Variants in ADGRL3 observed in about 807,000 individuals in gnomAD.
The protein encoded by ADGRL3 is calcium-independent alpha-latrotoxin receptor 3.
In ADGRL3, 62 loss-of-function variants were observed where a neutral mutation model predicts 153.5. That is an observed-to-expected ratio of 0.40 (90% confidence interval 0.33 to 0.50). The LOEUF is 0.50. Ranked by LOEUF, ADGRL3 falls within the 20% of genes least tolerant of loss-of-function variation. The pLI is 0.47. For synonymous variants in ADGRL3, 710 were observed against 672.5 expected (o/e 1.06, Z -0.86); for missense variants, 1,641 against 1,859.4 (o/e 0.88, Z 2.16).
chr4:61,674,137 G>A lies in ADGRL3; in HGVS notation c.474-2689G>A, dbSNP rs187826832. On this transcript the variant is annotated intron_variant, in intron 5 of 26. Transcript: ENST00000683033. Reference sequence around the variant, plus strand: ...ATAATATATAATATGTAAATTTGTCGATGCATTTTTAGATAGATAGATAGA... The same window carrying A: ...ATAATATATAATATGTAAATTTGTCAATGCATTTTTAGATAGATAGATAGA... Among the ~76,000 whole-genome samples the A allele has an allele frequency of 3.0e-4, 41 of 137,028 alleles. No individual in the cohort carries two copies. In the East Asian group the frequency reaches 6.4e-3, roughly 21 times the overall value. The allele number at this position is 137,028 out of a possible 152,430, so 89.9% of individuals were successfully genotyped here.
chr4:61,784,767 A>G (rs1237334142), intron 8 of ADGRL3, among the ~76,000 whole-genome samples: 1 of 152,214 alleles, frequency 6.6e-6, no homozygotes, highest in Admixed American at 6.5e-5. Flanking sequence ...CTGTGTTGGT[A>G]TGAATTCTGA....
chr4:61,823,450 T>G (rs530179252), intron 9 of ADGRL3, among the ~76,000 whole-genome samples: 1 of 152,290 alleles, frequency 6.6e-6, no homozygotes, highest in African/African-American at 2.4e-5. Context: ...ATACTATTCT[T>G]TAGGATTTTC....
intron 17 of ADGRL3, among the ~76,000 whole-genome samples, chr4:61,975,804 T>C (rs1389681874): frequency 6.6e-6 from 1 of 152,030 alleles, no homozygotes; most frequent in East Asian, 1.9e-4. Context: ...AATAGAGGAG[T>C]CAATATAACT....
At chr4:61,882,263 A>G (rs914720955) in intron 9 of ADGRL3, among the ~76,000 whole-genome samples, 10 of 152,204 alleles carry the variant, frequency 6.6e-5, no homozygotes, top group Non-Finnish European at 1.3e-4. Flanking sequence ...CATTAGTTCA[A>G]TTCAACCAAC....
intron 1 of ADGRL3, among the ~76,000 whole-genome samples, chr4:61,299,165 T>A (rs2094504378): frequency 6.6e-6 from 1 of 151,996 alleles, no homozygotes; most frequent in Admixed American, 6.6e-5. Flanking sequence ...CTTCCCCCCC[T>A]TTTCTGTGAT....
intron 1 of ADGRL3, among the ~76,000 whole-genome samples, chr4:61,347,343 G>A (rs527460847): frequency 7.3e-5 from 11 of 151,344 alleles, no homozygotes; most frequent in African/African-American, 2.7e-4. Flanking sequence ...TAGAGCTATA[G>A]GAAGGTACAT....
intron 5 of ADGRL3, among the ~76,000 whole-genome samples, chr4:61,622,895 G>T (rs2092613021): frequency 2.6e-5 from 4 of 152,062 alleles, no homozygotes; most frequent in South Asian, 4.1e-4. Context: ...ATATCATAAA[G>T]AAACTATTAT....
intron 5 of ADGRL3, among the ~76,000 whole-genome samples, chr4:61,618,446 C>A (rs956339015): frequency 3.3e-5 from 5 of 152,134 alleles, no homozygotes. Flanking sequence ...ATTCACAATT[C>A]TGTTTGTCAG....
Position 61,369,083 on chromosome 4 carries a change from T to A in ADGRL3, c.-239-14041T>A, listed in dbSNP as rs1392547809. On this transcript the variant is annotated intron_variant, in intron 1 of 26. Coordinates refer to ENST00000683033, the MANE Select transcript of ADGRL3 (RefSeq NM_001387552.1). ...GTGATTTGTGCACATTGATTTTGTATCCTGAGACTTTGCTGAAGTTGCTTA... is the reference window on the plus strand; with the variant it reads ...GTGATTTGTGCACATTGATTTTGTAACCTGAGACTTTGCTGAAGTTGCTTA... 5.3e-5 allele frequency among the ~76,000 whole-genome samples: 8 copies of A among 152,216 alleles called. 1 individual carries two copies. The South Asian group carries it at 1.7e-3, about 31-fold the overall frequency.
intron 8 of ADGRL3, among the ~76,000 whole-genome samples, chr4:61,760,127 T>A (rs2096892386): frequency 6.6e-6 from 1 of 152,198 alleles, no homozygotes; most frequent in Non-Finnish European, 1.5e-5. Context: ...CTTGAGGCAG[T>A]CTGTCTGTTC....
intron 2 of ADGRL3, among the ~76,000 whole-genome samples, chr4:61,389,290 T>C (rs1383063408): frequency 6.6e-6 from 1 of 152,196 alleles, no homozygotes; most frequent in South Asian, 2.1e-4. Flanking sequence ...TAGTGACTGA[T>C]TGCATTTGAG....
At chr4:61,606,737 T>A (rs753654299) in intron 5 of ADGRL3, among the ~76,000 whole-genome samples, 34 of 152,140 alleles carry the variant, frequency 2.2e-4, no homozygotes, top group Non-Finnish European at 4.7e-4. Context: ...GAGGTCTCAC[T>A]GCAGTTTTAA....
chr4:61,594,033 C>T (rs2098979742), intron 5 of ADGRL3, among the ~76,000 whole-genome samples: 1 of 152,088 alleles, frequency 6.6e-6, no homozygotes, highest in Admixed American at 6.6e-5. Flanking sequence ...TTCAAATAGA[C>T]TGCCTTCTAT....
At chr4:61,769,800 C>G (rs1261136249) in intron 8 of ADGRL3, among the ~76,000 whole-genome samples, 1 of 151,734 alleles carries the variant, frequency 6.6e-6, no homozygotes, top group East Asian at 1.9e-4. Context: ...AGTGGGGGTG[C>G]TTTTGGAGCC....
intron 17 of ADGRL3, among the ~76,000 whole-genome samples, chr4:61,954,787 A>G (rs972570550): frequency 6.6e-6 from 1 of 152,272 alleles, no homozygotes; most frequent in East Asian, 1.9e-4. Context: ...CTTTGCTCAA[A>G]TATTACCTAC....
intron 25 of ADGRL3, among the ~76,000 whole-genome samples, chr4:62,051,485 AT>A (rs1304356814): frequency 6.6e-6 from 1 of 150,954 alleles, no homozygotes; most frequent in Admixed American, 6.6e-5. Context: ...TTGGCTATAA[AT>A]CGTTGGCAGG....
chr4:61,312,929 G>T (rs1457095835), intron 1 of ADGRL3, among the ~76,000 whole-genome samples: 1 of 152,162 alleles, frequency 6.6e-6, no homozygotes, highest in African/African-American at 2.4e-5. Context: ...ATTAATGTTT[G>T]CAGCAGCCTC....
chr4:61,695,364 A>G (rs1031841051), intron 6 of ADGRL3, among the ~76,000 whole-genome samples: 1 of 152,224 alleles, frequency 6.6e-6, no homozygotes, highest in African/African-American at 2.4e-5. Flanking sequence ...CTTGTACATT[A>G]TCATCAGAGG....
intron 5 of ADGRL3, among the ~76,000 whole-genome samples, chr4:61,661,281 A>T (rs953072233): frequency 1.3e-5 from 2 of 152,104 alleles, no homozygotes; most frequent in Non-Finnish European, 2.9e-5. Flanking sequence ...TATGCATACA[A>T]TCTGTTGTGA....
Sources: allele counts gnomAD v4.1 joint callset (sites outside exome capture counted in the v4.1 genomes callset), GRCh38; gene constraint gnomAD v4.1.1; transcripts MANE v1.5; gene names NCBI Gene and HGNC (gene_info 2026-07-23, HGNC 2026-07-21).